Variants in GLIS3 observed in about 807,000 individuals in gnomAD.
The protein encoded by GLIS3 is GLIS family zinc finger 3, also known as zinc finger protein GLIS3.
In GLIS3, 53 loss-of-function variants were observed where a neutral mutation model predicts 78.6. The ratio of observed to expected loss-of-function variants is 0.67; its 90% CI spans 0.54 to 0.85. The LOEUF (loss-of-function observed/expected upper bound fraction) is 0.85. Among genes scored for constraint, GLIS3 ranks in the 40% least tolerant of loss-of-function variants. The probability of loss-of-function intolerance (pLI) is 0.00; values close to 1 mark genes in which losing one functional copy is unlikely to be tolerated. For synonymous variants in GLIS3, 684 were observed against 509.9 expected (o/e 1.34, Z -4.60); for missense variants, 1,703 against 1,231.1 (o/e 1.38, Z -5.74).
At chr9:4,441,191 T>C in the GLIS3 span, among the ~76,000 whole-genome samples, 276 of 152,344 alleles carry the variant, frequency 1.8e-3, 2 homozygotes, top group African/African-American at 6.3e-3. Flanking sequence ...AGTATTATGC[T>C]GAGTAAAAGT....
chr9:4,354,292 T>C, the GLIS3 span, among the ~76,000 whole-genome samples: 2 of 152,132 alleles, frequency 1.3e-5, no homozygotes, highest in Non-Finnish European at 2.9e-5. Context: ...GACCTTTTTG[T>C]GTGTTTGAAT....
chr9:3,887,474 G>C (rs1200402323), intron 7 of GLIS3, among the ~76,000 whole-genome samples: 1 of 152,184 alleles, frequency 6.6e-6, no homozygotes, highest in Non-Finnish European at 1.5e-5. Context: ...CTAGGGAACA[G>C]AAATAAATAA....
chr9:3,901,856 C>T (rs1588185760), intron 6 of GLIS3, among the ~76,000 whole-genome samples: 1 of 152,118 alleles, frequency 6.6e-6, no homozygotes, highest in African/African-American at 2.4e-5. Context: ...CTAATACATG[C>T]CGTGTAAGAA....
At chr9:3,923,175 C>A (rs1158643903) in intron 6 of GLIS3, among the ~76,000 whole-genome samples, 3 of 152,208 alleles carry the variant, frequency 2.0e-5, no homozygotes, top group African/African-American at 7.2e-5. Context: ...TCTCCTTTCA[C>A]TGTAAATACC....
chr9:4,212,219 T>A (rs974213860), intron 2 of GLIS3, among the ~76,000 whole-genome samples: 4 of 152,254 alleles, frequency 2.6e-5, no homozygotes, highest in African/African-American at 7.2e-5. Context: ...ATTGATCTGC[T>A]TTCTTCAAGG....
upstream of GLIS3, among the ~76,000 whole-genome samples, chr9:4,350,941 T>C (rs557931777): frequency 5.9e-5 from 9 of 152,340 alleles, no homozygotes; most frequent in South Asian, 1.7e-3. Flanking sequence ...CTTTGATCAA[T>C]AAACCATTTG....
chr9:3,933,663 G>C (rs1009070109), intron 5 of GLIS3, among the ~76,000 whole-genome samples: 31 of 152,088 alleles, frequency 2.0e-4, no homozygotes, highest in African/African-American at 7.2e-4. Context: ...ACCATGTCTT[G>C]GGATTCTTGC....
chr9:3,874,293 G>T (rs1384968060), intron 8 of GLIS3, among the ~76,000 whole-genome samples: 3 of 152,230 alleles, frequency 2.0e-5, no homozygotes, highest in Non-Finnish European at 4.4e-5. Flanking sequence ...AAAGGACTGG[G>T]TTCAGAGAGC....
intron 2 of GLIS3, among the ~76,000 whole-genome samples, chr9:4,315,141 T>C (rs561687964): frequency 4.6e-5 from 7 of 152,344 alleles, no homozygotes; most frequent in African/African-American, 1.2e-4. Flanking sequence ...AAGAGTCTAA[T>C]TTTGGATCTC....
At chr9:3,881,348 GTATT>G (rs2130475665) in intron 7 of GLIS3, among the ~76,000 whole-genome samples, 1 of 152,180 alleles carries the variant, frequency 6.6e-6, no homozygotes, top group East Asian at 1.9e-4. Context: ...AATGCACCCA[GTATT>G]TATTTTTCCC....
chr9:4,321,186 C>G (rs1014310030), intron 2 of GLIS3, among the ~76,000 whole-genome samples: 2 of 149,788 alleles, frequency 1.3e-5, no homozygotes, highest in African/African-American at 2.5e-5. Flanking sequence ...TTTGGGAGGC[C>G]GAGGCGGGCG....
the GLIS3 span, among the ~76,000 whole-genome samples, chr9:4,478,039 C>T: frequency 6.6e-6 from 1 of 152,086 alleles, no homozygotes; most frequent in African/African-American, 2.4e-5. Context: ...ATACTATTTC[C>T]CATGAACCGG....
rs1171839351 is a variant in GLIS3 at position 4,007,895 on chromosome 9, G to GTT, written c.1711-70708_1711-70707dup. Among the ~76,000 whole-genome samples, 1,017 of 109,606 alleles carry GTT rather than the reference G, an allele frequency of 9.3e-3. 16 individuals carry two copies. The highest frequency in any genetic ancestry group is 0.033 in the African/African-American group (951 of 28,520). 71.9% of individuals were successfully genotyped at this position (109,606 alleles called of 152,430 possible). On this transcript the variant is annotated intron_variant, in intron 4 of 10. Transcript: ENST00000381971. ...GCAGGTCGGGCGGGGGTGGGTGGGC[G>GTT]TTGGGGGGGGGGGGTTACTCCAGTC...
At chr9:3,983,302 C>A (rs1250369372) in intron 4 of GLIS3, among the ~76,000 whole-genome samples, 1 of 152,168 alleles carries the variant, frequency 6.6e-6, no homozygotes, top group East Asian at 1.9e-4. Flanking sequence ...GTCTCCCCAG[C>A]CATGTGGAAC....
At chr9:3,928,214 G>C (rs1478176648) in intron 6 of GLIS3, among the ~76,000 whole-genome samples, 1 of 152,198 alleles carries the variant, frequency 6.6e-6, no homozygotes, top group Admixed American at 6.5e-5. Flanking sequence ...TTCATCTTGA[G>C]ATGATATGTC....
intron 2 of GLIS3, among the ~76,000 whole-genome samples, chr9:4,253,051 C>G (rs146629255): frequency 6.6e-6 from 1 of 152,354 alleles, no homozygotes; most frequent in African/African-American, 2.4e-5. Context: ...CTCTGTCAAC[C>G]CCTGATGGGA....
At chr9:4,442,623 C>T in the GLIS3 span, among the ~76,000 whole-genome samples, 1,100 of 151,658 alleles carry the variant, frequency 7.3e-3, 12 homozygotes, top group South Asian at 0.043. Context: ...TTTATGCCTC[C>T]TTTTTTCTCC....
chr9:3,983,547 T>C (rs555440895), intron 4 of GLIS3, among the ~76,000 whole-genome samples: 2 of 152,294 alleles, frequency 1.3e-5, no homozygotes, highest in Admixed American at 6.5e-5. Context: ...TAAAGACTTG[T>C]TGAATGGCTT....
intron 4 of GLIS3, among the ~76,000 whole-genome samples, chr9:4,096,751 C>A (rs545649301): frequency 2.0e-5 from 3 of 152,256 alleles, no homozygotes; most frequent in South Asian, 2.1e-4. Context: ...GTGGCTCAAG[C>A]CTGTAATCCC....
Sources: allele counts gnomAD v4.1 joint callset (sites outside exome capture counted in the v4.1 genomes callset), GRCh38; gene constraint gnomAD v4.1.1; transcripts MANE v1.5; gene names NCBI Gene and HGNC (gene_info 2026-07-23, HGNC 2026-07-21).